Variants in RGS8 observed in about 807,000 individuals in gnomAD.
The protein encoded by RGS8 is regulator of G protein signaling 8.
In RGS8, 8 loss-of-function variants were observed where a neutral mutation model predicts 21.7. That is an observed-to-expected ratio of 0.37 (90% CI 0.22 to 0.66). The LOEUF (loss-of-function observed/expected upper bound fraction) is 0.66. Among genes scored for constraint, RGS8 ranks in the 30% least tolerant of loss-of-function variants. RGS8 has a pLI of 0.59. For missense variants in RGS8, 157 were observed against 217.9 expected (o/e 0.72, Z 1.76); for synonymous variants, 80 against 83.6 (o/e 0.96, Z 0.24).
At chr1:182,674,409 A>G (rs527860582), upstream of RGS8, among the ~76,000 whole-genome samples, 1 of 152,366 alleles carries the variant, frequency 6.6e-6, no homozygotes, top group East Asian at 1.9e-4. Flanking sequence ...GAGCAGAGGG[A>G]CAAAAGTGTG....
the RGS8 span, among the ~76,000 whole-genome samples, chr1:182,702,880 G>A: frequency 6.6e-5 from 10 of 152,274 alleles, no homozygotes; most frequent in African/African-American, 2.4e-4. Context: ...TACATTCACA[G>A]CCCATCTAAC....
chr1:182,703,730 G>A, the RGS8 span, among the ~76,000 whole-genome samples: 1 of 152,166 alleles, frequency 6.6e-6, no homozygotes, highest in Admixed American at 6.5e-5. Flanking sequence ...TTACACAAGT[G>A]CATTTCAAAG....
exon 5 of RGS8, chr1:182,666,022 G>C (rs1273451253): frequency 1.2e-6 from 2 of 1,613,660 alleles, no homozygotes. Context: ...AGCTTCTTCT[G>C]TCGATAATCT....
chr1:182,688,938 T>C (rs1296256979), upstream of RGS8, among the ~76,000 whole-genome samples: 4 of 152,170 alleles, frequency 2.6e-5, no homozygotes, highest in East Asian at 7.7e-4. Context: ...ACACTGATTT[T>C]AGCCCAATGA....
chr1:182,751,697 A>G, the RGS8 span, among the ~76,000 whole-genome samples: 2 of 152,220 alleles, frequency 1.3e-5, no homozygotes, highest in African/African-American at 4.8e-5. Flanking sequence ...TTTTATTCCA[A>G]GCATTAGGTA....
At chr1:182,651,319 C>G (rs138538223) in intron 5 of RGS8, among the ~76,000 whole-genome samples, 3 of 152,314 alleles carry the variant, frequency 2.0e-5, no homozygotes, top group Non-Finnish European at 4.4e-5. Context: ...ATAAACCTAA[C>G]CTACTGAACA....
chr1:182,649,674 T>C (rs930858988), intron 5 of RGS8, among the ~76,000 whole-genome samples: 12 of 152,198 alleles, frequency 7.9e-5, no homozygotes, highest in African/African-American at 2.9e-4. Flanking sequence ...CATTTATTGA[T>C]AGCTTATGCA....
the RGS8 span, among the ~76,000 whole-genome samples, chr1:182,720,084 T>A: frequency 6.6e-6 from 1 of 152,228 alleles, no homozygotes. Context: ...GCTGAAAACT[T>A]ATCTTAAATA....
chr1:182,673,062 G>A (rs1664238696), upstream of RGS8: 3 of 583,304 alleles, frequency 5.1e-6, no homozygotes, highest in Non-Finnish European at 9.2e-6. Flanking sequence ...GCTGCCCTGG[G>A]AGAAAGCTTG....
the RGS8 span, among the ~76,000 whole-genome samples, chr1:182,713,660 C>T: frequency 6.6e-6 from 1 of 152,268 alleles, no homozygotes; most frequent in East Asian, 1.9e-4. Flanking sequence ...TCTCCCCTGT[C>T]CCCACTGCCA....
At chr1:182,677,695 T>C (rs1664409885), upstream of RGS8, among the ~76,000 whole-genome samples, 1 of 152,232 alleles carries the variant, frequency 6.6e-6, no homozygotes, top group African/African-American at 2.4e-5. Flanking sequence ...TCCTCACTGC[T>C]CACTGCAGGG....
chr1:182,646,639 C>A (rs1247392240), exon 7 of RGS8: 2 of 1,198,730 alleles, frequency 1.7e-6, no homozygotes, highest in African/African-American at 1.5e-5. Flanking sequence ...CCCAATGCCA[C>A]CGCTTTTGAA....
chr1:182,671,846 C>T, intron 1 of RGS8, 116 bp from the exon 3 acceptor site: 1 of 1,548,516 alleles, frequency 6.5e-7, no homozygotes. Context: ...ATGCACAACA[C>T]ACCTCCCACC....
At chr1:182,683,495 G>A (rs1334818554) in intron 1 of RGS8, among the ~76,000 whole-genome samples, 1 of 151,954 alleles carries the variant, frequency 6.6e-6, no homozygotes, top group Non-Finnish European at 1.5e-5. Flanking sequence ...TATTTCATTA[G>A]ACTCTAAGCA....
the RGS8 span, among the ~76,000 whole-genome samples, chr1:182,702,111 C>T: frequency 6.6e-6 from 1 of 152,140 alleles, no homozygotes; most frequent in African/African-American, 2.4e-5. Context: ...AATCATTCTG[C>T]TAAAAAGGCA....
At chr1:182,750,428 A>C in the RGS8 span, among the ~76,000 whole-genome samples, 1 of 152,208 alleles carries the variant, frequency 6.6e-6, no homozygotes, top group Non-Finnish European at 1.5e-5. Context: ...CTTTATAATC[A>C]ACAGGAAGAT....
At chr1:182,688,426 TGAG>T (rs1181134531), upstream of RGS8, among the ~76,000 whole-genome samples, 10 of 151,634 alleles carry the variant, frequency 6.6e-5, no homozygotes, top group African/African-American at 7.3e-5. Flanking sequence ...AGAAGAAAGA[TGAG>T]GAGGAAGAAA....
chr1:182,690,187 T>C, the RGS8 span, among the ~76,000 whole-genome samples: 1 of 152,136 alleles, frequency 6.6e-6, no homozygotes, highest in African/African-American at 2.4e-5. Context: ...AATAAGTTTA[T>C]GTGTGAAAAG....
At chr1:182,741,177 T>C in the RGS8 span, among the ~76,000 whole-genome samples, 68 of 118,352 alleles carry the variant, frequency 5.7e-4, no homozygotes, top group African/African-American at 1.9e-3. Context: ...GCTGGCCGGG[T>C]GGGGGGCTGA....
Sources: allele counts gnomAD v4.1 joint callset (sites outside exome capture counted in the v4.1 genomes callset), GRCh38; gene constraint gnomAD v4.1.1; transcripts MANE v1.5; gene names NCBI Gene and HGNC (gene_info 2026-07-23, HGNC 2026-07-21).